The following ATG5 variants were observed in gnomAD, a reference collection of about 807,000 sequenced individuals.
ATG5 encodes autophagy related 5.
A neutral mutation model predicts 36.5 loss-of-function variants in ATG5; 14 were observed. The ratio of observed to expected loss-of-function variants is 0.38; its 90% CI spans 0.25 to 0.60. The LOEUF (loss-of-function observed/expected upper bound fraction) is 0.60, where lower values mean the gene tolerates loss of function less well. ATG5 is among the 20% of genes least tolerant of loss of function. The pLI is 0.60. For missense variants in ATG5, 195 were observed against 326.7 expected (o/e 0.60, Z 3.11); for synonymous variants, 95 against 101.5 (o/e 0.94, Z 0.38).
At chr6:106,314,120 G>T (rs1219375421) in intron 2 of ATG5, among the ~76,000 whole-genome samples, 1 of 152,150 alleles carries the variant, frequency 6.6e-6, no homozygotes, top group African/African-American at 2.4e-5. Context: ...TTTTCAATTT[G>T]ATTAGAAACA....
chr6:106,234,117 G>C (rs1042321153), intron 6 of ATG5, among the ~76,000 whole-genome samples: 5 of 152,222 alleles, frequency 3.3e-5, no homozygotes, highest in African/African-American at 7.2e-5. Context: ...ATGTCTGAGG[G>C]GGGTGGAGTT....
intron 3 of ATG5, among the ~76,000 whole-genome samples, chr6:106,293,612 A>G (rs2114631901): frequency 6.6e-6 from 1 of 152,360 alleles, no homozygotes; most frequent in Non-Finnish European, 1.5e-5. Context: ...ATATCTAAAT[A>G]CAGATTAGGA....
At chr6:106,311,832 C>CTTT (rs539005722) in intron 2 of ATG5, among the ~76,000 whole-genome samples, 3 of 141,414 alleles carry the variant, frequency 2.1e-5, no homozygotes, top group Non-Finnish European at 3.1e-5. Flanking sequence ...TGATCTCCTT[C>CTTT]TTTTTTTTTT....
intron 6 of ATG5, among the ~76,000 whole-genome samples, chr6:106,227,447 T>C (rs532771088): frequency 2.6e-4 from 39 of 152,156 alleles, no homozygotes; most frequent in Non-Finnish European, 5.4e-4. Flanking sequence ...AATAAAAAGA[T>C]TGGCTGAATG....
intron 4 of ATG5, among the ~76,000 whole-genome samples, chr6:106,283,096 G>A (rs914275538): frequency 2.0e-5 from 3 of 151,970 alleles, no homozygotes; most frequent in Non-Finnish European, 4.4e-5. Flanking sequence ...TGGCCTACAC[G>A]GATTGAGATT....
intron 6 of ATG5, among the ~76,000 whole-genome samples, chr6:106,221,792 G>C (rs893108336): frequency 1.3e-5 from 2 of 152,012 alleles, no homozygotes; most frequent in African/African-American, 4.8e-5. Flanking sequence ...ATCTTAAGGA[G>C]AGATGAAATC....
chr6:106,263,833 G>T (rs1477873178), intron 5 of ATG5, among the ~76,000 whole-genome samples: 4 of 150,902 alleles, frequency 2.7e-5, no homozygotes, highest in Non-Finnish European at 5.9e-5. Context: ...TCCATCCAAA[G>T]GTCATTAGCC....
intron 2 of ATG5, 85 bp from the exon 3 acceptor site, chr6:106,308,576 A>G (rs916778321): frequency 9.4e-7 from 1 of 1,066,034 alleles, no homozygotes; most frequent in Non-Finnish European, 1.3e-6. Flanking sequence ...TTTTAAGGAA[A>G]AACAGCCGTG....
At chr6:106,272,747 ATCCACACTACTACGG>A (rs1779500111) in intron 5 of ATG5, among the ~76,000 whole-genome samples, 1 of 152,218 alleles carries the variant, frequency 6.6e-6, no homozygotes, top group Admixed American at 6.5e-5. Flanking sequence ...TGGCTAGCTA[ATCCACACTACTACGG>A]TCCGGGCATG....
intron 7 of ATG5, among the ~76,000 whole-genome samples, chr6:106,190,234 C>G (rs561194663): frequency 1.3e-5 from 2 of 152,260 alleles, no homozygotes; most frequent in Admixed American, 1.3e-4. Context: ...GTTCTGGAGG[C>G]TGGAAAATCC....
chr6:106,241,010 G>A (rs191115133), intron 6 of ATG5, among the ~76,000 whole-genome samples: 5 of 152,180 alleles, frequency 3.3e-5, no homozygotes, highest in Admixed American at 6.5e-5. Context: ...AAAATTAGTC[G>A]GGCATGGTGG....
chr6:106,312,034 T>C (rs180873184), intron 2 of ATG5, among the ~76,000 whole-genome samples: 1 of 152,326 alleles, frequency 6.6e-6, no homozygotes, highest in Admixed American at 6.5e-5. Flanking sequence ...TTTCACCATG[T>C]TGGCCAGGCT....
intron 5 of ATG5, among the ~76,000 whole-genome samples, chr6:106,266,815 A>G (rs1779244310): frequency 1.3e-5 from 2 of 152,232 alleles, no homozygotes; most frequent in African/African-American, 4.8e-5. Flanking sequence ...TTCATGCTAA[A>G]AACTCTCAAT....
At chr6:106,313,856 G>T (rs1301710379) in intron 2 of ATG5, among the ~76,000 whole-genome samples, 1 of 152,030 alleles carries the variant, frequency 6.6e-6, no homozygotes, top group Non-Finnish European at 1.5e-5. Context: ...TTTCTTCCTT[G>T]TACGTATTAA....
intron 6 of ATG5, chr6:106,217,511 C>T (rs1484655530): frequency 6.6e-6 from 1 of 152,172 alleles, no homozygotes; most frequent in African/African-American, 2.4e-5. Flanking sequence ...CCAGAACGCT[C>T]GCCACCAGTT....
chr6:106,279,805 G>C lies in ATG5; in HGVS notation c.334C>G (p.Leu112Val). ...VHFKSFPEKD[L>V]LHCPSKDAIE... ...GCATCCTTAGATGGACAGTGCAGAAGGTCTTTTTCTGGAAAACTCTATCAA... is the reference window on the plus strand; with the variant it reads ...GCATCCTTAGATGGACAGTGCAGAACGTCTTTTTCTGGAAAACTCTATCAA... Residue 112 changes from leucine to valine, a missense_variant, in exon 5 of 8, where the codon CTT becomes GTT. Transcript: ENST00000369076. 6.6e-7 allele frequency: 1 copy of C among 1,523,408 alleles called. No individual in the cohort carries two copies. Among genetic ancestry groups the C allele is most frequent in the Non-Finnish European group, 8.8e-7 (1 of 1,136,298 alleles). The allele number at this position is 1,523,408 out of a possible 1,614,324, so 94.4% of individuals were successfully genotyped here.
chr6:106,228,054 C>T (rs1777513315), intron 6 of ATG5, among the ~76,000 whole-genome samples: 1 of 152,182 alleles, frequency 6.6e-6, no homozygotes, highest in African/African-American at 2.4e-5. Context: ...TATTTTACAG[C>T]TTGGGTGCAA....
At chr6:106,264,117 T>C (rs1779137067) in intron 5 of ATG5, among the ~76,000 whole-genome samples, 1 of 152,144 alleles carries the variant, frequency 6.6e-6, no homozygotes, top group Non-Finnish European at 1.5e-5. Flanking sequence ...TAGGAAATGC[T>C]AACTAGAATA....
intron 4 of ATG5, among the ~76,000 whole-genome samples, chr6:106,290,509 T>C (rs1165031717): frequency 1.3e-5 from 2 of 151,816 alleles, no homozygotes; most frequent in Non-Finnish European, 2.9e-5. Context: ...TTTGTAGAGA[T>C]GGGGTCTACG....
Sources: allele counts gnomAD v4.1 joint callset (sites outside exome capture counted in the v4.1 genomes callset), GRCh38; gene constraint gnomAD v4.1.1; transcripts MANE v1.5; gene names NCBI Gene and HGNC (gene_info 2026-07-23, HGNC 2026-07-21).